Variants in RPS6KA3 observed in about 807,000 individuals in gnomAD.
RPS6KA3 encodes the protein ribosomal protein S6 kinase alpha-3.
Under a neutral mutation model 67.2 loss-of-function variants are expected in RPS6KA3, and 4 were observed. The ratio of observed to expected loss-of-function variants is 0.06; its 90% CI spans 0.03 to 0.14. RPS6KA3 has a LOEUF of 0.14. Ranked by LOEUF, RPS6KA3 falls within the 10% of genes least tolerant of loss-of-function variation. The pLI, the probability that RPS6KA3 is intolerant of heterozygous loss-of-function variation, is 1.00. For missense variants in RPS6KA3, 204 were observed against 559.0 expected (o/e 0.36, Z 6.40); for synonymous variants, 182 against 183.7 (o/e 0.99, Z 0.07).
chrX:20,161,799 T>G, intron 19 of RPS6KA3, 38 bp from the exon 20 acceptor site: 1 of 512,060 alleles, frequency 2.0e-6, no homozygotes, highest in Non-Finnish European at 2.8e-6. Flanking sequence ...ATGAATAAAA[T>G]TTATTACTTG....
At position 20,172,883 on chromosome X, in the gene RPS6KA3, T is replaced by G; in HGVS notation, c.1228-12A>C. ...TTCCTGTGTAACTGCTACAAAAAAT[T>G]ATAAATTGGTGAAGAGTCCCATAAT... On this transcript the variant is annotated splice_polypyrimidine_tract_variant and intron_variant, in intron 14 of 21. Coordinates refer to ENST00000379565, the MANE Select transcript of RPS6KA3 (RefSeq NM_004586.3). The G allele has an allele frequency of 8.3e-7, 1 of 1,200,732 alleles. No individual in the cohort carries two copies. Among genetic ancestry groups the G allele is most frequent in the Non-Finnish European group, 1.1e-6 (1 of 885,806 alleles).
Position 20,188,577 on chromosome X carries a change from A to G in RPS6KA3, c.594-43T>C, listed in dbSNP as rs771831830. Reference sequence around the variant, plus strand: ...AATCTTTTAAGAACACTAAATAGAGATTTATAGAAGCTAAGACTGAAATTA... The same window carrying G: ...AATCTTTTAAGAACACTAAATAGAGGTTTATAGAAGCTAAGACTGAAATTA... On this transcript the variant is annotated intron_variant, in intron 7 of 21. Transcript: ENST00000379565. 1.3e-5 allele frequency: 9 copies of G among 698,355 alleles called. No homozygotes were observed. The Admixed American group carries it at 2.2e-4, about 17-fold the overall frequency. The allele number at this position is 698,355 out of a possible 1,213,427, so 57.6% of individuals were successfully genotyped here.
At chrX:20,185,390 T>G (rs775058754) in intron 10 of RPS6KA3, among the ~76,000 whole-genome samples, 170 of 111,213 alleles carry the variant, frequency 1.5e-3, no homozygotes, top group Non-Finnish European at 2.6e-3. Flanking sequence ...TTTTCTTTTT[T>G]GAGACAGGGT....
chrX:20,197,304 A>G (rs1427255555), intron 4 of RPS6KA3, among the ~76,000 whole-genome samples: 2 of 112,652 alleles, frequency 1.8e-5, no homozygotes, highest in Non-Finnish European at 3.8e-5. Context: ...ACCTCTTTCA[A>G]TAAGTATACA....
Position 20,167,672 on chromosome X carries a change from T to G in RPS6KA3, c.1519A>C (p.Arg507=), listed in dbSNP as rs1307493999. The G allele has an allele frequency of 1.7e-6, 2 of 1,197,061 alleles. No individual in the cohort carries two copies. The highest frequency in any genetic ancestry group is 2.3e-6 in the Non-Finnish European group (2 of 882,005). The change falls in exon 17 of 22, where the codon AGA becomes CGA. Residue 507 remains arginine, a synonymous_variant. Transcript: ENST00000379565. ...TCTCGTTCAGAGAAAAATTTTTGTC[T>G]AAGAATTTTATCCAGCAATTCACCT... The part of the protein sequence containing the change: ...KGGELLDKIL[R]QKFFSEREAS...
chrX:20,152,452 G>C lies in RPS6KA3; in HGVS notation c.*2946C>G, dbSNP rs1370018153. ...ATTCAATCTCTCATTTTGTAAAAGA[G>C]GCCTGATAGTTTAGTTTCTTCTTTC... On this transcript the variant is annotated 3_prime_UTR_variant, in exon 22 of 22. Transcript: ENST00000379565. The C allele has an allele frequency of 8.9e-6, 1 of 112,355 alleles. No homozygotes were observed. Among genetic ancestry groups the C allele is most frequent in the African/African-American group, 3.2e-5 (1 of 30,897 alleles). The allele number at this position is 112,355 out of a possible 1,213,427, so 9.3% of individuals were successfully genotyped here.
chrX:20,177,824 C>A (rs2067737549), intron 10 of RPS6KA3, among the ~76,000 whole-genome samples: 1 of 112,170 alleles, frequency 8.9e-6, no homozygotes, highest in Admixed American at 9.5e-5. Context: ...CCTTTCTATT[C>A]CCTTTAACAG....
chrX:20,248,219 A>G (rs1385791971), intron 1 of RPS6KA3, among the ~76,000 whole-genome samples: 1 of 112,356 alleles, frequency 8.9e-6, no homozygotes, highest in Non-Finnish European at 1.9e-5. Context: ...TATATCATAT[A>G]TGAATAATCT....
At chrX:20,162,901 T>A (rs1007717568) in intron 19 of RPS6KA3, 63 bp downstream of exon 19, 3 of 795,591 alleles carry the variant, frequency 3.8e-6, no homozygotes, top group Middle Eastern at 2.8e-4. Context: ...AAAACCTAGA[T>A]AACTTAAGCA....
At chrX:20,237,757 GA>G (rs2069452550) in intron 1 of RPS6KA3, among the ~76,000 whole-genome samples, 1 of 111,363 alleles carries the variant, frequency 9.0e-6, no homozygotes, top group Non-Finnish European at 1.9e-5. Flanking sequence ...AAGTCCTTTT[GA>G]TCTTGGAATT....
At chrX:20,163,134 T>C (rs751694395) in intron 18 of RPS6KA3, 94 bp from the exon 19 acceptor site, 1 of 595,440 alleles carries the variant, frequency 1.7e-6, no homozygotes, top group East Asian at 3.4e-5. Flanking sequence ...AATCAACACC[T>C]ATAAGGAAAA....
chrX:20,252,661 G>C (rs189634435), intron 1 of RPS6KA3, among the ~76,000 whole-genome samples: 1 of 110,838 alleles, frequency 9.0e-6, no homozygotes, highest in East Asian at 2.9e-4. Context: ...CCCCACTGAT[G>C]ACAGGGAGGA....
intron 10 of RPS6KA3, among the ~76,000 whole-genome samples, chrX:20,179,796 A>ATAC (rs1569208397): frequency 9.0e-6 from 1 of 111,662 alleles, no homozygotes; most frequent in Non-Finnish European, 1.9e-5. Context: ...AATAATAATA[A>ATAC]TAGAAAATCA....
intron 4 of RPS6KA3, chrX:20,203,479 T>C (rs2068498440): frequency 9.0e-6 from 1 of 111,218 alleles, no homozygotes; most frequent in Non-Finnish European, 1.9e-5. Flanking sequence ...GTCAGGCTGA[T>C]CTCGAACTTC....
intron 2 of RPS6KA3, among the ~76,000 whole-genome samples, chrX:20,233,228 A>G (rs1482948192): frequency 1.8e-5 from 2 of 112,115 alleles, no homozygotes; most frequent in Non-Finnish European, 3.8e-5. Flanking sequence ...CCTAGTGTTG[A>G]GTAGGCAATA....
intron 2 of RPS6KA3, among the ~76,000 whole-genome samples, chrX:20,234,186 G>A (rs774173199): frequency 8.9e-6 from 1 of 112,762 alleles, no homozygotes; most frequent in African/African-American, 3.2e-5. Flanking sequence ...ATAAGCTTCA[G>A]GCTAGGCACA....
At chrX:20,218,853 G>A in intron 2 of RPS6KA3, 1 of 1,193,441 alleles carries the variant, frequency 8.4e-7, no homozygotes, top group Non-Finnish European at 1.1e-6. Context: ...ACGAAACCAT[G>A]ATGGTGATAA....
intron 1 of RPS6KA3, among the ~76,000 whole-genome samples, chrX:20,243,434 G>A (rs1454479966): frequency 8.9e-6 from 1 of 111,958 alleles, no homozygotes; most frequent in Non-Finnish European, 1.9e-5. Context: ...ACTGCCTAAG[G>A]CTAATAAGTA....
At chrX:20,228,322 C>T (rs947658034) in intron 2 of RPS6KA3, among the ~76,000 whole-genome samples, 14 of 111,894 alleles carry the variant, frequency 1.3e-4, no homozygotes, top group South Asian at 7.4e-4. Flanking sequence ...TATAGGTTAA[C>T]TAGCCAACCA....
Sources: gnomAD v4.1 joint callset for allele counts (sites outside exome capture counted in the v4.1 genomes callset) on GRCh38, gnomAD v4.1.1 for gene constraint, MANE v1.5 for transcripts, NCBI Gene and HGNC (gene_info 2026-07-23, HGNC 2026-07-21) for gene names.